The following BTBD9 variants were observed in gnomAD, a reference collection of about 807,000 sequenced individuals.
The protein encoded by BTBD9 is BTB/POZ domain-containing protein 9.
Under a neutral mutation model 64.3 loss-of-function variants are expected in BTBD9, and 49 were observed. That is an observed-to-expected ratio of 0.76 (90% CI 0.61 to 0.97). The LOEUF (loss-of-function observed/expected upper bound fraction) is 0.97, where lower values mean the gene tolerates loss of function less well. BTBD9 is among the 50% of genes least tolerant of loss of function. The pLI is 0.00. For synonymous variants in BTBD9, 260 were observed against 274.7 expected, an observed-to-expected ratio of 0.95 and a Z score of 0.53; for missense variants, 598 against 762.1, an observed-to-expected ratio of 0.78 and a Z score of 2.53.
intron 8 of BTBD9, among the ~76,000 whole-genome samples, chr6:38,265,214 G>A (rs537627501): frequency 6.6e-6 from 1 of 152,200 alleles, no homozygotes; most frequent in East Asian, 1.9e-4. Flanking sequence ...ACAAAAATGT[G>A]AGGAGGTGGC....
At chr6:38,554,960 G>C (rs1247667720) in intron 6 of BTBD9, among the ~76,000 whole-genome samples, 1 of 152,182 alleles carries the variant, frequency 6.6e-6, no homozygotes, top group East Asian at 1.9e-4. Flanking sequence ...TCATCTTAGA[G>C]TGTGAGTAAC....
chr6:38,279,747 G>A (rs576545277), intron 8 of BTBD9, among the ~76,000 whole-genome samples: 8 of 152,172 alleles, frequency 5.3e-5, no homozygotes, highest in East Asian at 1.9e-4. Flanking sequence ...AATCACTACC[G>A]GTGAAGTATT....
chr6:38,191,356 T>C (rs1327899161), intron 10 of BTBD9, among the ~76,000 whole-genome samples: 1 of 152,186 alleles, frequency 6.6e-6, no homozygotes, highest in East Asian at 1.9e-4. Flanking sequence ...ATAAAGACAA[T>C]GCATGAATCC....
At chr6:38,311,052 C>T (rs1247115067) in intron 7 of BTBD9, among the ~76,000 whole-genome samples, 1 of 152,204 alleles carries the variant, frequency 6.6e-6, no homozygotes, top group African/African-American at 2.4e-5. Flanking sequence ...CTCAGGTGAT[C>T]TGACTGCCTC....
intron 6 of BTBD9, among the ~76,000 whole-genome samples, chr6:38,390,031 T>C (rs1766342606): frequency 6.6e-6 from 1 of 152,226 alleles, no homozygotes; most frequent in Admixed American, 6.5e-5. Context: ...ATTGTCATCA[T>C]ATGCCACTCA....
intron 7 of BTBD9, among the ~76,000 whole-genome samples, chr6:38,338,746 C>T (rs1029121997): frequency 2.6e-5 from 4 of 152,148 alleles, no homozygotes; most frequent in Non-Finnish European, 4.4e-5. Flanking sequence ...AAAGTGTTTA[C>T]TGCTCCCCCA....
chr6:38,400,537 T>C (rs1766883767), intron 6 of BTBD9, among the ~76,000 whole-genome samples: 1 of 152,150 alleles, frequency 6.6e-6, no homozygotes, highest in Non-Finnish European at 1.5e-5. Context: ...AAAGCCTTCT[T>C]TCCTCCGCCT....
At position 38,180,894 on chromosome 6, in the gene BTBD9, C is replaced by T. The variant is rs1273376385; in HGVS notation, c.1642-5712G>A. Among the ~76,000 whole-genome samples, 5 of 152,214 alleles carry T rather than the reference C, an allele frequency of 3.3e-5. No homozygotes were observed. The South Asian group carries it at 8.3e-4, about 25-fold the overall frequency. On this transcript the variant is annotated intron_variant, in intron 10 of 10. Coordinates refer to ENST00000481247, the MANE Select transcript of BTBD9 (RefSeq NM_001099272.2). ...AATCCGACACAGCCTCAGTCACAAT[C>T]GGGTGTCCTTTTCTGTAGCTGCTGT...
chr6:38,198,493 G>A (rs1214191686), intron 9 of BTBD9, among the ~76,000 whole-genome samples: 1 of 152,242 alleles, frequency 6.6e-6, no homozygotes, highest in Non-Finnish European at 1.5e-5. Flanking sequence ...GCTCAGCAGA[G>A]AGCAGCTCTC....
At position 38,374,207 on chromosome 6, in the gene BTBD9, C is replaced by A. The variant is rs1397124911; in HGVS notation, c.1155-29114G>T. Among the ~76,000 whole-genome samples the A allele has an allele frequency of 7.6e-5, 11 of 143,990 alleles. No individual in the cohort carries two copies. In the East Asian group the frequency reaches 2.2e-3, roughly 29 times the overall value. 94.5% of individuals were successfully genotyped at this position (143,990 alleles called of 152,430 possible). A position where few individuals can be genotyped will look rare whatever the true frequency, so the allele number is the denominator to read the frequency against. ...TCGCTTGAAACTGGGAGGTAAAGGT[C>A]GCAGTGAGCCGAGACTGTGCCACCG... is the stretch of plus-strand genomic sequence containing the variant. On this transcript the variant is annotated intron_variant, in intron 6 of 10. Coordinates refer to ENST00000481247, the MANE Select transcript of BTBD9 (RefSeq NM_001099272.2).
intron 6 of BTBD9, among the ~76,000 whole-genome samples, chr6:38,414,902 C>T (rs1683551165): frequency 6.6e-6 from 1 of 152,140 alleles, no homozygotes; most frequent in Admixed American, 6.5e-5. Flanking sequence ...TAGCTACTCT[C>T]CTAAAACTAC....
intron 9 of BTBD9, among the ~76,000 whole-genome samples, chr6:38,252,279 C>G (rs972109734): frequency 2.0e-5 from 3 of 152,204 alleles, no homozygotes; most frequent in African/African-American, 7.2e-5. Context: ...TATAACCGCA[C>G]GCACTCTGTT....
intron 7 of BTBD9, among the ~76,000 whole-genome samples, chr6:38,303,184 C>T (rs1267264673): frequency 6.6e-6 from 1 of 152,102 alleles, no homozygotes; most frequent in Non-Finnish European, 1.5e-5. Context: ...GCTGCCTATG[C>T]TTTTGGGGTC....
At chr6:38,187,632 G>A (rs757975367) in intron 10 of BTBD9, among the ~76,000 whole-genome samples, 1 of 152,174 alleles carries the variant, frequency 6.6e-6, no homozygotes, top group Non-Finnish European at 1.5e-5. Flanking sequence ...CACACAGTGG[G>A]GGGGAGTGAA....
intron 6 of BTBD9, among the ~76,000 whole-genome samples, chr6:38,563,898 C>T (rs1034950230): frequency 3.3e-5 from 5 of 151,224 alleles, no homozygotes; most frequent in Non-Finnish European, 7.4e-5. Context: ...TATCCTTCCT[C>T]AGCCTCCCGA....
chr6:38,575,415 A>G (rs1438438161), intron 6 of BTBD9, among the ~76,000 whole-genome samples: 2 of 152,234 alleles, frequency 1.3e-5, no homozygotes, highest in African/African-American at 4.8e-5. Context: ...AGGACACTAA[A>G]GAACAAAGCT....
intron 10 of BTBD9, chr6:38,179,485 A>C (rs1416196206): frequency 2.2e-6 from 1 of 456,780 alleles, no homozygotes; most frequent in East Asian, 7.0e-5. Flanking sequence ...CAGTTACAGC[A>C]GCTCAGACCT....
intron 6 of BTBD9, among the ~76,000 whole-genome samples, chr6:38,416,142 TGGGTAGGGTA>T (rs957364842): frequency 9.9e-5 from 15 of 152,058 alleles, no homozygotes; most frequent in Admixed American, 2.0e-4. Context: ...CACTGGGAGG[TGGGTAGGGTA>T]GGGTAGGGTG....
intron 7 of BTBD9, among the ~76,000 whole-genome samples, chr6:38,291,852 T>C (rs898936258): frequency 2.0e-5 from 3 of 152,152 alleles, no homozygotes; most frequent in Admixed American, 6.6e-5. Context: ...CTGACTTGAT[T>C]GTGGTGGATA....
Sources: gnomAD v4.1 joint callset for allele counts (sites outside exome capture counted in the v4.1 genomes callset) on GRCh38, gnomAD v4.1.1 for gene constraint, MANE v1.5 for transcripts, NCBI Gene and HGNC (gene_info 2026-07-23, HGNC 2026-07-21) for gene names.